Variants in TYW1B observed in about 807,000 individuals in gnomAD.
TYW1B encodes the protein S-adenosyl-L-methionine-dependent tRNA 4-demethylwyosine synthase TYW1B.
TYW1B carries 73 observed loss-of-function variants against 86.9 expected under a neutral mutation model. That is an observed-to-expected ratio of 0.84 (90% confidence interval 0.70 to 1.02). The LOEUF (loss-of-function observed/expected upper bound fraction) is 1.02, where lower values mean the gene tolerates loss of function less well. TYW1B is among the 50% of genes least tolerant of loss of function. The pLI is 0.00. For synonymous variants in TYW1B, 248 were observed against 292.8 expected (o/e 0.85, Z 1.56); for missense variants, 637 against 827.4 (o/e 0.77, Z 2.82).
rs368738233 is a variant in TYW1B, at chr7:72,828,056, C to G, written c.4+16G>C. Reference sequence around the variant, plus strand: ...CCCCTGCCGCCCCAGGGTCCTTGCCCGCCGAGTGCCCTTACCCATCCTCCT... The same window carrying G: ...CCCCTGCCGCCCCAGGGTCCTTGCCGGCCGAGTGCCCTTACCCATCCTCCT... On this transcript the variant is annotated intron_variant, in intron 1 of 13. Transcript: ENST00000620995. 5 of 1,613,770 alleles carry G rather than the reference C, an allele frequency of 3.1e-6. No individual in the cohort carries two copies. Among genetic ancestry groups the G allele is most frequent in the Admixed American group, 3.3e-5 (2 of 59,962 alleles).
In TYW1B at chr7:72,693,890, T is replaced by C. The variant is rs528493445; in HGVS notation, c.1506+797A>G. 8.5e-5 allele frequency among the ~76,000 whole-genome samples: 13 copies of C among 152,268 alleles called. No individual in the cohort carries two copies. In the East Asian group the frequency reaches 2.5e-3, roughly 29 times the overall value. On this transcript the variant is annotated intron_variant, in intron 11 of 13. Transcript: ENST00000620995. ...ATTGTACTACATATTATAAGTAATG[T>C]AGAGATGATTTAAAGTATACAGGAA...
rs1554479244 is a variant in TYW1B, at chr7:72,815,445, G to A, written c.172C>T (p.Leu58=). 6.2e-7 allele frequency: 1 copy of A among 1,610,560 alleles called. No homozygotes were observed. The highest frequency in any genetic ancestry group is 8.5e-7 in the Non-Finnish European group (1 of 1,179,286). ...TTAATAATGGCCACAGGCAGATCCA[G>A]GGACGTAACTGCTTCAGCAAGAACT... ...ATVLAEAVTS[L]DLPVAIINLK... Residue 58 remains leucine (L), a synonymous_variant, in exon 3 of 14, where the codon CTG becomes TTG. Coordinates refer to ENST00000620995, the MANE Select transcript of TYW1B (RefSeq NM_001145440.3).
chr7:72,817,462 C>T (rs1788745372), intron 2 of TYW1B, among the ~76,000 whole-genome samples: 1 of 151,976 alleles, frequency 6.6e-6, no homozygotes, highest in Non-Finnish European at 1.5e-5. Context: ...CAGCAGGCCT[C>T]AAGGACTGAT....
At chr7:72,768,828 C>A in intron 7 of TYW1B, 1 of 247,442 alleles carries the variant, frequency 4.0e-6, no homozygotes, top group South Asian at 5.6e-5. Context: ...AGGACAGGAT[C>A]CTGTGCCCTA....
chr7:72,823,472 T>A (rs1259523077), intron 2 of TYW1B, among the ~76,000 whole-genome samples: 1 of 151,832 alleles, frequency 6.6e-6, no homozygotes, highest in African/African-American at 2.4e-5. Flanking sequence ...ATACAAAAAC[T>A]AGCTGGGCGT....
At chr7:72,641,853 G>T (rs1677582490) in intron 11 of TYW1B, among the ~76,000 whole-genome samples, 1 of 152,158 alleles carries the variant, frequency 6.6e-6, no homozygotes. Flanking sequence ...TAAAGTTCCA[G>T]CTGCCTGTTT....
chr7:72,737,012 A>G (rs1306044604), intron 8 of TYW1B, among the ~76,000 whole-genome samples: 1 of 152,160 alleles, frequency 6.6e-6, no homozygotes, highest in African/African-American at 2.4e-5. Flanking sequence ...TGGGTGACAG[A>G]GCGAGACTCC....
intron 11 of TYW1B, among the ~76,000 whole-genome samples, chr7:72,636,818 A>G (rs1405578056): frequency 6.6e-6 from 1 of 152,196 alleles, no homozygotes. Context: ...TTTCTTTAAA[A>G]TAGTTGCTTC....
chr7:72,606,075 G>T (rs1811787794), intron 13 of TYW1B, among the ~76,000 whole-genome samples: 1 of 152,156 alleles, frequency 6.6e-6, no homozygotes, highest in Non-Finnish European at 1.5e-5. Flanking sequence ...AGGCACACTG[G>T]CTAGGGGCCT....
chr7:72,756,383 C>T (rs1026664318), intron 7 of TYW1B, among the ~76,000 whole-genome samples: 7 of 151,936 alleles, frequency 4.6e-5, no homozygotes, highest in Admixed American at 2.0e-4. Flanking sequence ...TACAGGCATG[C>T]GCCACCATGC....
At chr7:72,796,560 G>A (rs1554474494) in intron 6 of TYW1B, among the ~76,000 whole-genome samples, 1 of 151,596 alleles carries the variant, frequency 6.6e-6, no homozygotes, top group Non-Finnish European at 1.5e-5. Context: ...TTAATTTGAT[G>A]TAATATAATC....
chr7:72,673,206 A>G (rs1218191626), intron 11 of TYW1B, among the ~76,000 whole-genome samples: 2 of 152,212 alleles, frequency 1.3e-5, no homozygotes, highest in African/African-American at 4.8e-5. Flanking sequence ...CAGGTTTTGA[A>G]GTAAGGCATT....
intron 7 of TYW1B, among the ~76,000 whole-genome samples, chr7:72,771,928 C>T (rs1322808599): frequency 2.0e-5 from 3 of 151,650 alleles, no homozygotes; most frequent in Non-Finnish European, 4.4e-5. Flanking sequence ...CTCACTGCAA[C>T]CTCTGCCTCC....
intron 11 of TYW1B, among the ~76,000 whole-genome samples, chr7:72,679,432 C>T (rs1554448016): frequency 6.6e-6 from 1 of 152,128 alleles, no homozygotes; most frequent in Non-Finnish European, 1.5e-5. Context: ...GGATAGAAGG[C>T]TACATAGCAG....
intron 9 of TYW1B, among the ~76,000 whole-genome samples, chr7:72,716,915 G>C (rs1435113735): frequency 2.7e-5 from 4 of 147,584 alleles, no homozygotes; most frequent in African/African-American, 1.0e-4. Context: ...GCCCAGCCAA[G>C]ACATAGGGTT....
At chr7:72,820,584 C>T (rs1563106128) in intron 2 of TYW1B, among the ~76,000 whole-genome samples, 1 of 152,016 alleles carries the variant, frequency 6.6e-6, no homozygotes, top group Non-Finnish European at 1.5e-5. Flanking sequence ...AGGGAGCTGG[C>T]GAGCACAAAG....
chr7:72,658,962 C>A (rs1813268467), intron 11 of TYW1B, among the ~76,000 whole-genome samples: 1 of 152,158 alleles, frequency 6.6e-6, no homozygotes, highest in African/African-American at 2.4e-5. Flanking sequence ...CTCAAGTGAT[C>A]TGCCCACCTT....
chr7:72,595,473 C>T (rs1554432389), intron 13 of TYW1B, among the ~76,000 whole-genome samples: 3 of 152,130 alleles, frequency 2.0e-5, no homozygotes, highest in Non-Finnish European at 1.5e-5. Context: ...TGCTTGAGCT[C>T]AGGAGTTTGA....
chr7:72,589,352 T>C (rs1189849163), intron 13 of TYW1B, among the ~76,000 whole-genome samples: 2 of 152,174 alleles, frequency 1.3e-5, no homozygotes, highest in Non-Finnish European at 2.9e-5. Flanking sequence ...AATAATTTTG[T>C]GGGAAGGCAA....
Sources: allele counts gnomAD v4.1 joint callset (sites outside exome capture counted in the v4.1 genomes callset), GRCh38; gene constraint gnomAD v4.1.1; transcripts MANE v1.5; gene names NCBI Gene and HGNC (gene_info 2026-07-23, HGNC 2026-07-21).